Variants in FRYL observed in about 807,000 individuals in gnomAD.
FRYL encodes protein furry homolog-like.
In FRYL, 150 loss-of-function variants were observed where a neutral mutation model predicts 351.2. The observed-to-expected ratio is 0.43, with a 90% CI of 0.37 to 0.49. The LOEUF (loss-of-function observed/expected upper bound fraction) is 0.49, where lower values mean the gene tolerates loss of function less well. Among genes scored for constraint, FRYL ranks in the 20% least tolerant of loss-of-function variants. The probability of loss-of-function intolerance (pLI) is 0.00; values close to 1 mark genes in which losing one functional copy is unlikely to be tolerated. For synonymous variants in FRYL, 1,153 were observed against 1,257.1 expected (o/e 0.92, Z 1.75); for missense variants, 3,036 against 3,619.3 (o/e 0.84, Z 4.13).
At chr4:48,710,923 T>A (rs6811201) in intron 1 of FRYL, among the ~76,000 whole-genome samples, 1 of 152,116 alleles carries the variant, frequency 6.6e-6, no homozygotes, top group South Asian at 2.1e-4. Context: ...TTTGTAATGG[T>A]CAAAAGGCAG....
chr4:48,614,386 C>T (rs529651226), intron 7 of FRYL, among the ~76,000 whole-genome samples: 45 of 152,180 alleles, frequency 3.0e-4, no homozygotes, highest in Admixed American at 2.9e-3. Context: ...ATTTTAGAAG[C>T]GGCTCTAATT....
At chr4:48,650,555 GC>G (rs1757413371) in intron 3 of FRYL, among the ~76,000 whole-genome samples, 1 of 152,180 alleles carries the variant, frequency 6.6e-6, no homozygotes, top group Non-Finnish European at 1.5e-5. Flanking sequence ...TGCGATGCAG[GC>G]AGAGAGATGA....
chr4:48,654,314 A>C (rs1758362060), intron 3 of FRYL, among the ~76,000 whole-genome samples: 1 of 150,706 alleles, frequency 6.6e-6, no homozygotes, highest in South Asian at 2.1e-4. Context: ...AAAAAAAAAA[A>C]CAAAAACAAA....
At chr4:48,545,059 T>C (rs1034590198) in intron 42 of FRYL, among the ~76,000 whole-genome samples, 155 bp from the exon 43 acceptor site, 7 of 152,244 alleles carry the variant, frequency 4.6e-5, no homozygotes, top group African/African-American at 1.7e-4. Flanking sequence ...GAATATGTAA[T>C]GATCTACAGC....
rs76160061 is a variant in FRYL, at chr4:48,721,514, T to C, written c.-383-10816A>G. On this transcript the variant is annotated intron_variant, in intron 1 of 63. Coordinates refer to ENST00000358350, the MANE Select transcript of FRYL (RefSeq NM_015030.2). ...CATCTCTATAAGAAGTAAAATAAATTAAAAAATAAAAGGTGGAAGTCATTA... is the reference window on the plus strand; with the variant it reads ...CATCTCTATAAGAAGTAAAATAAATCAAAAAATAAAAGGTGGAAGTCATTA... 1.6e-3 allele frequency among the ~76,000 whole-genome samples: 239 copies of C among 151,922 alleles called. 6 individuals carry two copies. In the East Asian group the frequency reaches 0.044, roughly 28 times the overall value.
intron 1 of FRYL, among the ~76,000 whole-genome samples, chr4:48,758,411 G>C (rs1481579158): frequency 6.6e-6 from 1 of 152,194 alleles, no homozygotes; most frequent in Non-Finnish European, 1.5e-5. Flanking sequence ...CCATCAAAAA[G>C]TGGGCAAAGG....
At chr4:48,722,007 G>C (rs1403505182) in intron 1 of FRYL, among the ~76,000 whole-genome samples, 2 of 152,138 alleles carry the variant, frequency 1.3e-5, no homozygotes, top group Non-Finnish European at 2.9e-5. Context: ...CATTTAGATG[G>C]GTTTTTGTTC....
chr4:48,619,397 T>G (rs762053321), intron 6 of FRYL, 27 bp from the exon 7 acceptor site: 2 of 1,305,340 alleles, frequency 1.5e-6, no homozygotes, highest in East Asian at 2.4e-5. Flanking sequence ...AAATTAGTAC[T>G]GCATTAAGAT....
intron 24 of FRYL, 140 bp from the exon 25 acceptor site, chr4:48,575,381 G>A: frequency 2.3e-6 from 2 of 862,748 alleles, no homozygotes; most frequent in Non-Finnish European, 3.5e-6. Flanking sequence ...ATTTCACCTG[G>A]GGTGTACATA....
intron 19 of FRYL, 44 bp from the exon 20 acceptor site, chr4:48,582,778 ATTAG>A (rs766502064): frequency 1.6e-6 from 2 of 1,279,298 alleles, no homozygotes; most frequent in Non-Finnish European, 2.3e-6. Flanking sequence ...ATACCTTTCA[ATTAG>A]TTTTATCATC....
intron 1 of FRYL, among the ~76,000 whole-genome samples, chr4:48,726,220 C>T (rs1319379966): frequency 6.6e-6 from 1 of 152,154 alleles, no homozygotes; most frequent in East Asian, 1.9e-4. Flanking sequence ...AAACACGAAG[C>T]AAGTAATCAG....
chr4:48,580,068 C>CG (rs11375529), intron 22 of FRYL, among the ~76,000 whole-genome samples: 72,606 of 151,450 alleles, frequency 0.48, 18,264 homozygotes, highest in Admixed American at 0.62. Flanking sequence ...AGCATCATGG[C>CG]GGGGGGGAAT....
Position 48,561,525 on chromosome 4 carries a change from GATA to G in FRYL, c.3805_3807del (p.Tyr1269del). On this transcript the variant is annotated inframe_deletion, in exon 33 of 64. Coordinates refer to ENST00000358350, the MANE Select transcript of FRYL (RefSeq NM_015030.2). Reference sequence around the variant, plus strand: ...GCCCTTGCTAGTTCCTCGGACAACTGATAATATGAAACAGAATAGAGATGTGGT... The same window carrying G: ...GCCCTTGCTAGTTCCTCGGACAACTGATATGAAACAGAATAGAGATGTGGT... 6.2e-7 allele frequency: 1 copy of G among 1,611,784 alleles called. No individual in the cohort carries two copies. The highest frequency in any genetic ancestry group is 8.5e-7 in the Non-Finnish European group (1 of 1,178,532).
chr4:48,534,409 C>A, intron 49 of FRYL, 136 bp downstream of exon 49: 1 of 681,344 alleles, frequency 1.5e-6, no homozygotes, highest in Non-Finnish European at 2.5e-6. Flanking sequence ...ATTTTCCATA[C>A]TGCAAATATC....
Position 48,733,453 on chromosome 4 carries a change from A to G in FRYL, c.-383-22755T>C, listed in dbSNP as rs373932634. Among the ~76,000 whole-genome samples the G allele has an allele frequency of 1.5e-3, 222 of 152,184 alleles. 5 individuals are homozygous for G. The South Asian group carries it at 0.044, about 30-fold the overall frequency. On this transcript the variant is annotated intron_variant, in intron 1 of 63. Coordinates refer to ENST00000358350, the MANE Select transcript of FRYL (RefSeq NM_015030.2). ...GAAATGTTAAAAGAAGTTCTTTAAAAATAAAAATAAAAAAAGGAAAAGGAA... is the reference window on the plus strand; with the variant it reads ...GAAATGTTAAAAGAAGTTCTTTAAAGATAAAAATAAAAAAAGGAAAAGGAA...
chr4:48,657,353 C>CTTTTTTTTTTTTTT (rs371640944), intron 3 of FRYL, among the ~76,000 whole-genome samples: 1 of 122,380 alleles, frequency 8.2e-6, no homozygotes, highest in Non-Finnish European at 1.7e-5. Context: ...CTTTTCTTTT[C>CTTTTTTTTTTTTTT]TTTTTTTTTT....
chr4:48,763,424 T>G (rs1309142690), intron 1 of FRYL, among the ~76,000 whole-genome samples: 1 of 152,100 alleles, frequency 6.6e-6, no homozygotes, highest in East Asian at 1.9e-4. Context: ...TTCACACCAC[T>G]GTACTCCAAC....
chr4:48,714,651 G>A (rs6637523), intron 1 of FRYL, among the ~76,000 whole-genome samples: 1 of 149,828 alleles, frequency 6.7e-6, no homozygotes, highest in African/African-American at 2.4e-5. Flanking sequence ...ACCAAAAAGA[G>A]TCCAGGACCA....
At chr4:48,526,228 C>T (rs972849698) in intron 53 of FRYL, among the ~76,000 whole-genome samples, 6 of 152,242 alleles carry the variant, frequency 3.9e-5, no homozygotes, top group South Asian at 2.1e-4. Flanking sequence ...ATATGGTATA[C>T]AGATACTTGG....
Sources: gnomAD v4.1 joint callset for allele counts (sites outside exome capture counted in the v4.1 genomes callset) on GRCh38, gnomAD v4.1.1 for gene constraint, MANE v1.5 for transcripts, NCBI Gene and HGNC (gene_info 2026-07-23, HGNC 2026-07-21) for gene names.